Variants in DNAH8 observed in about 807,000 individuals in gnomAD.
DNAH8 encodes the protein dynein axonemal heavy chain 8.
Under a neutral mutation model 562.1 loss-of-function variants are expected in DNAH8, and 382 were observed. The ratio of observed to expected loss-of-function variants is 0.68; its 90% CI spans 0.63 to 0.74. DNAH8 has a LOEUF of 0.74. Among genes scored for constraint, DNAH8 ranks in the 30% least tolerant of loss-of-function variants. DNAH8 has a pLI of 0.00. For missense variants in DNAH8, 5,203 were observed against 5,620.4 expected (o/e 0.93, Z 2.37); for synonymous variants, 1,881 against 1,919.4 (o/e 0.98, Z 0.52).
chr6:38,788,629 G>T (rs574224010), intron 18 of DNAH8, among the ~76,000 whole-genome samples: 3 of 152,050 alleles, frequency 2.0e-5, no homozygotes, highest in African/African-American at 7.2e-5. Flanking sequence ...TTTAAATTGA[G>T]TATTTGTCTA....
chr6:38,983,787 G>T lies in DNAH8; in HGVS notation c.12952-419G>T, dbSNP rs9369099. On this transcript the variant is annotated intron_variant, in intron 86 of 92. Coordinates refer to ENST00000327475, the MANE Select transcript of DNAH8 (RefSeq NM_001206927.2). ...GATAAATAATTTTCTTGTTGTTCTC[G>T]TAATGATTCCAGAAAATACATTACT... Among the ~76,000 whole-genome samples, 95 of 152,208 alleles carry T rather than the reference G, an allele frequency of 6.2e-4. 1 individual carries two copies. The East Asian group carries it at 0.011, about 18-fold the overall frequency.
intron 10 of DNAH8, among the ~76,000 whole-genome samples, chr6:38,757,078 T>A (rs1446335934): frequency 2.0e-5 from 3 of 152,182 alleles, no homozygotes; most frequent in South Asian, 2.1e-4. Flanking sequence ...TAGTTCTAGA[T>A]CCCTGAGGAA....
At chr6:38,877,401 GT>G (rs35899767) in intron 53 of DNAH8, among the ~76,000 whole-genome samples, 64,212 of 151,968 alleles carry the variant, frequency 0.42, 14,176 homozygotes, top group East Asian at 0.69. Flanking sequence ...AGACAATGAT[GT>G]TTTCTTATTT....
At chr6:38,886,625 G>C (rs949564322) in intron 56 of DNAH8, among the ~76,000 whole-genome samples, 166 bp from the exon 57 acceptor site, 4 of 152,216 alleles carry the variant, frequency 2.6e-5, no homozygotes, top group African/African-American at 9.7e-5. Flanking sequence ...GTTCATGGGT[G>C]ACATCATTTA....
At chr6:38,859,059 C>T (rs1309259141) in intron 42 of DNAH8, among the ~76,000 whole-genome samples, 1 of 152,220 alleles carries the variant, frequency 6.6e-6, no homozygotes, top group Non-Finnish European at 1.5e-5. Flanking sequence ...GAACTGTTTG[C>T]ATCCCAACTA....
chr6:38,881,292 A>G (rs1177912254), intron 53 of DNAH8, among the ~76,000 whole-genome samples: 2 of 152,182 alleles, frequency 1.3e-5, no homozygotes, highest in Admixed American at 1.3e-4. Flanking sequence ...TCATTGTTTC[A>G]CCAATATCAA....
intron 24 of DNAH8, among the ~76,000 whole-genome samples, chr6:38,812,229 G>C (rs1273679634): frequency 1.3e-5 from 2 of 152,102 alleles, no homozygotes; most frequent in African/African-American, 4.8e-5. Context: ...TGGCTAGGCT[G>C]TCCTTGAGTT....
At chr6:38,879,728 G>T (rs557780171) in intron 53 of DNAH8, among the ~76,000 whole-genome samples, 1 of 151,894 alleles carries the variant, frequency 6.6e-6, no homozygotes, top group Non-Finnish European at 1.5e-5. Flanking sequence ...GTGCAGTGGG[G>T]GGCAAATCAA....
chr6:38,725,338 A>AT (rs1763131877), intron 3 of DNAH8, among the ~76,000 whole-genome samples: 2 of 149,834 alleles, frequency 1.3e-5, no homozygotes, highest in African/African-American at 2.4e-5. Context: ...AATAATAATA[A>AT]AGAGCTACTC....
At chr6:38,757,893 G>T (rs1766082124) in intron 10 of DNAH8, among the ~76,000 whole-genome samples, 2 of 152,062 alleles carry the variant, frequency 1.3e-5, no homozygotes, top group Admixed American at 1.3e-4. Flanking sequence ...CTCTGTTTTG[G>T]TGCCAGTACA....
At chr6:38,984,043 A>G (rs569920429) in intron 86 of DNAH8, among the ~76,000 whole-genome samples, 163 bp from the exon 87 acceptor site, 7 of 152,324 alleles carry the variant, frequency 4.6e-5, no homozygotes, top group Admixed American at 1.3e-4. Context: ...GGTTCCAGCC[A>G]TGTAATAGTG....
intron 43 of DNAH8, 82 bp downstream of exon 43, chr6:38,860,711 C>T (rs1323553570): frequency 1.9e-6 from 2 of 1,070,192 alleles, no homozygotes; most frequent in Middle Eastern, 2.8e-4. Context: ...GAAATATTAA[C>T]AAAAGCAGAT....
At chr6:38,878,177 C>T (rs960271987) in intron 53 of DNAH8, among the ~76,000 whole-genome samples, 41 of 152,256 alleles carry the variant, frequency 2.7e-4, no homozygotes, top group African/African-American at 9.9e-4. Context: ...AACAAATAGA[C>T]AAAATTAGTA....
At chr6:38,729,749 T>C (rs1763522203) in intron 3 of DNAH8, among the ~76,000 whole-genome samples, 153 bp from the exon 4 acceptor site, 1 of 152,342 alleles carries the variant, frequency 6.6e-6, no homozygotes, top group African/African-American at 2.4e-5. Flanking sequence ...CATTACTATA[T>C]TGCACAGTAA....
chr6:38,729,631 G>T (rs959516462), intron 3 of DNAH8, among the ~76,000 whole-genome samples: 16 of 152,228 alleles, frequency 1.1e-4, no homozygotes, highest in Admixed American at 6.5e-5. Context: ...CCTCAAGTTG[G>T]ACTCACCTAT....
In DNAH8 at chr6:38,786,936, A is replaced by G. The variant is rs1469790244; in HGVS notation, c.2567A>G (p.Asp856Gly). The G allele has an allele frequency of 4.4e-6, 7 of 1,607,022 alleles. No homozygotes were observed. The highest frequency in any genetic ancestry group is 5.9e-6 in the Non-Finnish European group (7 of 1,177,372). Residue 856 changes from aspartate to glycine, a missense_variant, in exon 18 of 93, where the codon GAC (aspartate) becomes GGC (glycine). Coordinates refer to ENST00000327475, the MANE Select transcript of DNAH8 (RefSeq NM_001206927.2). The part of the protein sequence containing the change: ...LLKLESKLKA[D>G]KLYLQGLLQY... The stretch of plus-strand genomic sequence containing the variant: ...AAATTGGAAAGTAAATTGAAAGCAG[A>G]CAAACTGTATTTGCAGGTAAGATAG...
rs758090935 is a variant in DNAH8 at position 38,857,617 on chromosome 6, A to G, written c.5833A>G (p.Lys1945Glu). ...GAAAATCATGCAAGTGACCAATCAG[A>G]AATTTTTGGATATTCTAAATACTCT... ...DRKIMQVTNQ[K>E]FLDILNTLIS... The change falls in exon 42 of 93, where the codon AAA becomes GAA. Residue 1945 changes from lysine to glutamate, a missense_variant. By Grantham distance (56) the Lys-to-Glu change is moderately conservative. Transcript: ENST00000327475. 6.2e-7 allele frequency: 1 copy of G among 1,613,876 alleles called. No individual in the cohort carries two copies. Among genetic ancestry groups the G allele is most frequent in the South Asian group, 1.1e-5 (1 of 91,080 alleles).
At chr6:38,960,431 A>ATT (rs886380365) in intron 82 of DNAH8, among the ~76,000 whole-genome samples, 2 of 151,314 alleles carry the variant, frequency 1.3e-5, no homozygotes, top group Non-Finnish European at 3.0e-5. Context: ...AAAAAAAAAA[A>ATT]AATAATAATC....
chr6:38,843,726 C>T (rs569621722), intron 35 of DNAH8, among the ~76,000 whole-genome samples: 9 of 152,294 alleles, frequency 5.9e-5, no homozygotes, highest in African/African-American at 2.2e-4. Context: ...TGGCTATCCT[C>T]TGAGCCTTAG....
Sources: allele counts gnomAD v4.1 joint callset (sites outside exome capture counted in the v4.1 genomes callset), GRCh38; gene constraint gnomAD v4.1.1; transcripts MANE v1.5; gene names NCBI Gene and HGNC (gene_info 2026-07-23, HGNC 2026-07-21).